SIK2: variants seen among roughly 807,000 people sequenced by gnomAD.
SIK2 encodes salt inducible kinase 2, also known as serine/threonine-protein kinase SIK2.
In SIK2, 29 loss-of-function variants were observed where a neutral mutation model predicts 103.2. That is an observed-to-expected ratio of 0.28 (90% CI 0.21 to 0.38). The LOEUF is 0.38. Ranked by LOEUF, SIK2 falls within the 10% of genes least tolerant of loss-of-function variation. SIK2 has a pLI of 1.00. For synonymous variants in SIK2, 412 were observed against 446.1 expected (o/e 0.92, Z 0.96); for missense variants, 879 against 1,171.0 (o/e 0.75, Z 3.64).
chr11:111,702,298 C>CT (rs1943229281), intron 6 of SIK2, among the ~76,000 whole-genome samples: 1 of 152,200 alleles, frequency 6.6e-6, no homozygotes, highest in African/African-American at 2.4e-5. Flanking sequence ...TTAAATTAAT[C>CT]TGTCAGTCAG....
intron 12 of SIK2, among the ~76,000 whole-genome samples, 166 bp downstream of exon 12, chr11:111,721,228 G>C (rs976180716): frequency 6.6e-6 from 1 of 152,148 alleles, no homozygotes; most frequent in Admixed American, 6.5e-5. Context: ...TGCCACTGAC[G>C]GGTTCAACCC....
chr11:111,727,387 G>C lies in SIK2; in HGVS notation c.*3258G>C. On this transcript the variant is annotated 3_prime_UTR_variant, in exon 15 of 15. Transcript: ENST00000304987. ...TTCCTCAGATATCAAGAACTCCCAAGTGTTTAAACCGTATGCTGGAGTCAG... is the reference window on the plus strand; with the variant it reads ...TTCCTCAGATATCAAGAACTCCCAACTGTTTAAACCGTATGCTGGAGTCAG... 2.8e-6 allele frequency: 1 copy of C among 362,774 alleles called. No homozygotes were observed. 22.5% of individuals were successfully genotyped at this position (362,774 alleles called of 1,614,324 possible).
intron 4 of SIK2, among the ~76,000 whole-genome samples, chr11:111,689,310 G>A (rs1022416305): frequency 6.6e-6 from 1 of 152,176 alleles, no homozygotes; most frequent in Non-Finnish European, 1.5e-5. Flanking sequence ...TAGGGGTAAA[G>A]TGGAATTGGG....
At chr11:111,632,685 A>G (rs1942054937) in intron 3 of SIK2, among the ~76,000 whole-genome samples, 1 of 152,124 alleles carries the variant, frequency 6.6e-6, no homozygotes, top group African/African-American at 2.4e-5. Flanking sequence ...AACTGATTAT[A>G]TGCCGCCTTA....
intron 1 of SIK2, among the ~76,000 whole-genome samples, chr11:111,605,612 A>G (rs977578534): frequency 1.3e-5 from 2 of 152,162 alleles, no homozygotes; most frequent in Non-Finnish European, 2.9e-5. Flanking sequence ...TTTTTTCCCA[A>G]GTTTGACTCT....
At chr11:111,603,646 CTA>C (rs1430194097) in intron 1 of SIK2, among the ~76,000 whole-genome samples, 2 of 152,120 alleles carry the variant, frequency 1.3e-5, no homozygotes, top group Non-Finnish European at 2.9e-5. Flanking sequence ...CTCAGGGTCT[CTA>C]TTTTAAGACG....
At chr11:111,658,501 G>A (rs1942424651) in intron 3 of SIK2, among the ~76,000 whole-genome samples, 1 of 152,170 alleles carries the variant, frequency 6.6e-6, no homozygotes, top group South Asian at 2.1e-4. Flanking sequence ...CCAGCACTTT[G>A]GGAGGCCGAG....
chr11:111,647,791 C>T (rs532207848), intron 3 of SIK2, among the ~76,000 whole-genome samples: 2 of 150,654 alleles, frequency 1.3e-5, no homozygotes, highest in African/African-American at 4.9e-5. Flanking sequence ...TGGCATGAAC[C>T]TGGGAGGCGG....
chr11:111,667,577 C>T (rs1942563716), intron 3 of SIK2, among the ~76,000 whole-genome samples: 1 of 150,896 alleles, frequency 6.6e-6, no homozygotes, highest in African/African-American at 2.4e-5. Context: ...CTGCAACCTC[C>T]ACCTCCTGGG....
chr11:111,684,148 T>C lies in SIK2; in HGVS notation c.317-3853T>C, dbSNP rs146907087. ...CTGTCTTTACATGGTAACTTTAGAT[T>C]CAGATATACAATGCCTTTGTTTTTC... On this transcript the variant is annotated intron_variant, in intron 3 of 14. Coordinates refer to ENST00000304987, the MANE Select transcript of SIK2 (RefSeq NM_015191.3). 2.5e-4 allele frequency among the ~76,000 whole-genome samples: 38 copies of C among 152,336 alleles called. 2 individuals are homozygous for C. In the East Asian group the frequency reaches 7.1e-3, roughly 29 times the overall value.
chr11:111,650,404 A>G (rs886863362), intron 3 of SIK2, among the ~76,000 whole-genome samples: 7 of 152,122 alleles, frequency 4.6e-5, no homozygotes, highest in African/African-American at 1.4e-4. Context: ...TCAGTAAGAA[A>G]AAGCTCTTAC....
intron 3 of SIK2, among the ~76,000 whole-genome samples, chr11:111,660,584 C>T (rs1407167505): frequency 2.0e-5 from 3 of 152,186 alleles, no homozygotes; most frequent in African/African-American, 7.2e-5. Context: ...GATCAGTCTT[C>T]TGAAATCTTA....
Position 111,723,970 on chromosome 11 carries a change from G to C in SIK2, c.2622G>C (p.Gln874His), listed in dbSNP as rs769532950. Residue 874 changes from glutamine to histidine, a missense_variant, in exon 15 of 15, where the codon CAG becomes CAC. Gln to His is a conservative substitution (Grantham distance 24). This residue lies in a region of SIK2 where 375 missense variants were observed against 416.3 expected (regional missense o/e 0.90). Coordinates refer to ENST00000304987, the MANE Select transcript of SIK2 (RefSeq NM_015191.3). ...PCQYPVDGAQ[Q>H]SDLTGPDCPR... is the part of the protein sequence containing the mutation. The stretch of plus-strand genomic sequence containing the variant: ...AGTATCCTGTGGATGGAGCCCAGCA[G>C]AGCGACCTAACGGGGCCAGACTGTC... The C allele has an allele frequency of 5.9e-5, 95 of 1,614,034 alleles. No homozygotes were observed. The highest frequency in any genetic ancestry group is 8.3e-5 in the Admixed American group (5 of 60,002).
In SIK2 at chr11:111,724,127, T is replaced by TA. The variant is rs766374230; in HGVS notation, c.2780dup (p.Ter927=). 4 of 1,606,902 alleles carry TA rather than the reference T, an allele frequency of 2.5e-6. No homozygotes were observed. In the African/African-American group the frequency reaches 5.3e-5, roughly 21 times the overall value. ...PQHNGYVLVN[*] is the part of the protein sequence containing the mutation. ...ACACAACGGGTATGTCCTGGTGAAT[T>TA]AGTCTCAGCACAGGAATTGAGGTGG... is the stretch of plus-strand genomic sequence containing the variant. Residue 927 remains the stop codon, a frameshift_variant and stop_retained_variant, in exon 15 of 15, where the codon TAG becomes TAAG. Transcript: ENST00000304987. LOFTEE classifies it high-confidence loss of function.
rs1487693302 is a variant in SIK2 at position 111,712,257 on chromosome 11, G to C, written c.1148G>C (p.Arg383Thr). The C allele has an allele frequency of 2.5e-6, 4 of 1,614,198 alleles. No individual in the cohort carries two copies. The highest frequency in any genetic ancestry group is 3.4e-6 in the Non-Finnish European group (4 of 1,180,040). ...LPVTMHSPNM[R>T]LLRSALLPQA... ...GTGACCATGCATTCACCGAACATGA[G>C]GCTGCTGCGATCTGCCCTCCTCCCC... Residue 383 changes from arginine to threonine, a missense_variant, in exon 9 of 15, where the codon AGG becomes ACG. Transcript: ENST00000304987.
At chr11:111,704,569 GT>G (rs1320708531) in intron 7 of SIK2, among the ~76,000 whole-genome samples, 1 of 152,186 alleles carries the variant, frequency 6.6e-6, no homozygotes, top group Non-Finnish European at 1.5e-5. Flanking sequence ...TCACTTCAGA[GT>G]TTTCAGTGGT....
At chr11:111,671,163 C>A in intron 3 of SIK2, 1 of 224,090 alleles carries the variant, frequency 4.5e-6, no homozygotes, top group South Asian at 6.4e-5. Flanking sequence ...CACTGGTGGT[C>A]TTCCTATGGA....
At chr11:111,642,622 G>C (rs1942197531) in intron 3 of SIK2, among the ~76,000 whole-genome samples, 1 of 152,050 alleles carries the variant, frequency 6.6e-6, no homozygotes, top group African/African-American at 2.4e-5. Context: ...CATTACATAG[G>C]CATGATTGAG....
At chr11:111,606,735 T>C (rs1315691189) in intron 1 of SIK2, among the ~76,000 whole-genome samples, 4 of 152,146 alleles carry the variant, frequency 2.6e-5, no homozygotes, top group Non-Finnish European at 5.9e-5. Context: ...GGAAATTTCC[T>C]AAGTAACAAG....
Sources: gnomAD v4.1 joint callset for allele counts (sites outside exome capture counted in the v4.1 genomes callset) on GRCh38, gnomAD v4.1.1 for gene constraint, gnomAD v4.1.1 regional missense constraint, MANE v1.5 for transcripts, NCBI Gene and HGNC (gene_info 2026-07-23, HGNC 2026-07-21) for gene names.